The following CA5B variants were observed in gnomAD, a reference collection of about 807,000 sequenced individuals.
CA5B encodes carbonic anhydrase 5B, mitochondrial.
CA5B carries 15 observed loss-of-function variants against 23.1 expected under a neutral mutation model. That is an observed-to-expected ratio of 0.65 (90% CI 0.43 to 1.00). The LOEUF is 1.00. CA5B is among the 50% of genes least tolerant of loss of function. CA5B has a pLI of 0.00. For synonymous variants in CA5B, 84 were observed against 98.5 expected (o/e 0.85, Z 0.87); for missense variants, 236 against 252.2 (o/e 0.94, Z 0.43).
At chrX:15,738,549 C>A (rs906826700) in intron 1 of CA5B, among the ~76,000 whole-genome samples, 197 bp downstream of exon 1, 1 of 110,889 alleles carries the variant, frequency 9.0e-6, no homozygotes, top group Admixed American at 9.5e-5. Flanking sequence ...GTGTCGAACT[C>A]CCCCACCCCA....
At chrX:15,746,798 A>G (rs1462904255) in intron 1 of CA5B, among the ~76,000 whole-genome samples, 1 of 110,599 alleles carries the variant, frequency 9.0e-6, no homozygotes, top group Non-Finnish European at 1.9e-5. Flanking sequence ...GTTCCTGGGT[A>G]GGATGGCAGA....
chrX:15,764,921 G>GA (rs1931676214), intron 3 of CA5B, 146 bp downstream of exon 3: 18 of 977,312 alleles, frequency 1.8e-5, no homozygotes, highest in Admixed American at 1.4e-4. Context: ...TTGAATGTGT[G>GA]AAAAAAAATT....
chrX:15,782,066 C>CT (rs1420534407), intron 7 of CA5B, among the ~76,000 whole-genome samples: 6 of 112,434 alleles, frequency 5.3e-5, no homozygotes, highest in Admixed American at 3.8e-4. Context: ...TATAAACCCA[C>CT]TTTTTTTGGT....
chrX:15,742,818 G>A (rs1744588236), intron 1 of CA5B, among the ~76,000 whole-genome samples: 1 of 112,391 alleles, frequency 8.9e-6, no homozygotes, highest in Admixed American at 9.4e-5. Flanking sequence ...TCCCGCAGGG[G>A]ACATCTGGCA....
Position 15,784,885 on chromosome X carries a change from G to T in CA5B, c.*2221G>T, listed in dbSNP as rs1932086366. The T allele has an allele frequency of 8.9e-6, 1 of 111,979 alleles. No homozygotes were observed. Among genetic ancestry groups the T allele is most frequent in the African/African-American group, 3.2e-5 (1 of 30,811 alleles). The allele number at this position is 111,979 out of a possible 1,213,427, so 9.2% of individuals were successfully genotyped here. On this transcript the variant is annotated 3_prime_UTR_variant, in exon 8 of 8. Transcript: ENST00000318636. ...ACTCAATTTTTAAAAATGGGCAAAG[G>T]ACTTGCACAGACATTTCTCCAAAGA...
At chrX:15,740,090 T>C (rs1390003354) in intron 1 of CA5B, among the ~76,000 whole-genome samples, 1 of 111,962 alleles carries the variant, frequency 8.9e-6, no homozygotes. Flanking sequence ...GCTTTCAAAA[T>C]CTTTGTTTCC....
chrX:15,774,136 C>T (rs1223104272), intron 4 of CA5B, 166 bp from the exon 5 acceptor site: 1 of 456,831 alleles, frequency 2.2e-6, no homozygotes, highest in Non-Finnish European at 3.4e-6. Context: ...TAAATTTCTT[C>T]CTGATCTTTG....
chrX:15,746,031 T>C (rs1337812339), intron 1 of CA5B, among the ~76,000 whole-genome samples: 2 of 36,180 alleles, frequency 5.5e-5, no homozygotes, highest in African/African-American at 9.4e-5. Context: ...TCTTTTTTTT[T>C]TTTTTTTTTT....
chrX:15,769,509 G>A, intron 3 of CA5B: 4 of 751,818 alleles, frequency 5.3e-6, no homozygotes, highest in Non-Finnish European at 6.3e-6. Flanking sequence ...AGGAGATGGA[G>A]AGGTGAGTGC....
Position 15,746,254 on chromosome X carries a change from C to A in CA5B, c.-53-3717C>A, listed in dbSNP as rs188740099. 4.1e-4 allele frequency among the ~76,000 whole-genome samples: 45 copies of A among 109,910 alleles called. No individual in the cohort carries two copies. In the East Asian group the frequency reaches 0.013, roughly 31 times the overall value. ...TAGAGATGGGGTTTCGCCATGTTGG[C>A]CAGGATGGTCTCGATCTCCTGACCT... On this transcript the variant is annotated intron_variant, in intron 1 of 7. Transcript: ENST00000318636.
At chrX:15,742,296 T>C (rs1931136683) in intron 1 of CA5B, among the ~76,000 whole-genome samples, 1 of 113,019 alleles carries the variant, frequency 8.8e-6, no homozygotes, top group African/African-American at 3.2e-5. Context: ...TACTTCCTGC[T>C]TCTTTCCTGT....
intron 6 of CA5B, chrX:15,775,904 C>T: frequency 1.3e-6 from 1 of 751,240 alleles, no homozygotes; most frequent in Non-Finnish European, 1.6e-6. Context: ...CCCACTCTGA[C>T]CTTCTGGTCC....
At position 15,782,880 on chromosome X, in the gene CA5B, CT is replaced by C. The variant is rs113366340; in HGVS notation, c.*226del. ...AGATACCTGTTGGTAATTGTAATGC[CT>C]TTTTTTTTTCTTTAAGAGACTAGGT... On this transcript the variant is annotated 3_prime_UTR_variant, in exon 8 of 8. Transcript: ENST00000318636. 663 of 300,803 alleles carry C rather than the reference CT, an allele frequency of 2.2e-3. 1 individual carries two copies. The highest frequency in any genetic ancestry group is 5.4e-3 in the Middle Eastern group (6 of 1,118). 24.8% of individuals were successfully genotyped at this position (300,803 alleles called of 1,213,427 possible). A position where few individuals can be genotyped will look rare whatever the true frequency, so the allele number is the denominator to read the frequency against.
intron 1 of CA5B, among the ~76,000 whole-genome samples, chrX:15,745,033 G>A (rs1249962145): frequency 2.7e-5 from 3 of 109,326 alleles, no homozygotes; most frequent in Non-Finnish European, 3.8e-5. Flanking sequence ...GCCGGGCATG[G>A]TGGTGGGTGC....
At chrX:15,780,589 G>T (rs1333111350) in intron 7 of CA5B, among the ~76,000 whole-genome samples, 1 of 111,906 alleles carries the variant, frequency 8.9e-6, no homozygotes, top group Non-Finnish European at 1.9e-5. Context: ...ACATTTTATA[G>T]ATAATGAACA....
intron 4 of CA5B, among the ~76,000 whole-genome samples, chrX:15,773,908 T>A (rs1931870229): frequency 9.0e-6 from 1 of 111,726 alleles, no homozygotes; most frequent in South Asian, 3.7e-4. Context: ...CTTTAACTCC[T>A]GCATAATTTC....
intron 7 of CA5B, among the ~76,000 whole-genome samples, chrX:15,781,927 CAAAAA>C (rs61569115): frequency 1.3e-5 from 1 of 75,717 alleles, no homozygotes; most frequent in Non-Finnish European, 2.7e-5. Context: ...TTAAAAAAAA[CAAAAA>C]AAAAAAGAAA....
chrX:15,785,587 T>C lies in CA5B; in HGVS notation c.*2923T>C, dbSNP rs950971477. 2 of 112,232 alleles carry C rather than the reference T, an allele frequency of 1.8e-5. No homozygotes were observed. The highest frequency in any genetic ancestry group is 3.8e-5 in the Non-Finnish European group (2 of 53,256). 9.2% of individuals were successfully genotyped at this position (112,232 alleles called of 1,213,427 possible). ...GTGTTGCAAGAATTCTAGAGATCTG[T>C]TGCAAAACAAGTGTGATTGTACTTA... On this transcript the variant is annotated 3_prime_UTR_variant, in exon 8 of 8. Coordinates refer to ENST00000318636, the MANE Select transcript of CA5B (RefSeq NM_007220.4).
intron 2 of CA5B, among the ~76,000 whole-genome samples, chrX:15,752,132 G>A (rs149971323): frequency 0.033 from 3,697 of 110,884 alleles, 148 homozygotes; most frequent in African/African-American, 0.11. Context: ...GAAGTTACAC[G>A]CAAGACATAA....
Sources: gnomAD v4.1 joint callset for allele counts (sites outside exome capture counted in the v4.1 genomes callset) on GRCh38, gnomAD v4.1.1 for gene constraint, MANE v1.5 for transcripts, NCBI Gene and HGNC (gene_info 2026-07-23, HGNC 2026-07-21) for gene names.